LHFPL4: variants seen among roughly 807,000 people sequenced by gnomAD.
LHFPL4 encodes the protein LHFPL tetraspan subfamily member 4 protein.
Under a neutral mutation model 20.0 loss-of-function variants are expected in LHFPL4, and 6 were observed. The ratio of observed to expected loss-of-function variants is 0.30; its 90% CI spans 0.16 to 0.59. The LOEUF is 0.59. LHFPL4 is among the 20% of genes least tolerant of loss of function. The pLI is 0.88. For synonymous variants in LHFPL4, 129 were observed against 143.8 expected, an observed-to-expected ratio of 0.90 and a Z score of 0.74; for missense variants, 215 against 331.2, an observed-to-expected ratio of 0.65 and a Z score of 2.72.
Position 9,552,610 on chromosome 3 carries a change from C to G in LHFPL4, c.70G>C (p.Val24Leu), listed in dbSNP as rs1327327734. The G allele has an allele frequency of 6.2e-7, 1 of 1,613,772 alleles. No individual in the cohort carries two copies. The highest frequency in any genetic ancestry group is 1.3e-5 in the African/African-American group (1 of 74,920). ...CAGATGGTGAAGATGGCCCACAGCA[C>G]GCCGATGGCCCGCGAGTTCCGCATG... ...HYMRNSRAIG[V>L]LWAIFTICFA... The change falls in exon 2 of 4, where the codon GTG (valine) becomes CTG (leucine). Residue 24 changes from valine to leucine, a missense_variant. Coordinates refer to ENST00000287585, the MANE Select transcript of LHFPL4 (RefSeq NM_198560.3).
chr3:9,523,060 A>T (rs868823958), intron 2 of LHFPL4, among the ~76,000 whole-genome samples: 7 of 29,620 alleles, frequency 2.4e-4, no homozygotes, highest in African/African-American at 6.0e-4. Context: ...AAAAAAAAAG[A>T]AAGAAAGAAA....
At chr3:9,528,305 C>T (rs1339749208) in intron 2 of LHFPL4, among the ~76,000 whole-genome samples, 1 of 152,166 alleles carries the variant, frequency 6.6e-6, no homozygotes, top group Non-Finnish European at 1.5e-5. Flanking sequence ...CTTTTGTGGG[C>T]ATTTCAACAG....
chr3:9,511,934 GTTT>G lies in LHFPL4; in HGVS notation c.407-5734_407-5732del, dbSNP rs59301468. On this transcript the variant is annotated intron_variant, in intron 2 of 3. Transcript: ENST00000287585. ...TGGCTGCATCCTTTACATGGCGACTGTTTTTTTTTTTTTTTTTAGACGGAATCT... is the reference window on the plus strand; with the variant it reads ...TGGCTGCATCCTTTACATGGCGACTGTTTTTTTTTTTTTTAGACGGAATCT... 3.1e-3 allele frequency among the ~76,000 whole-genome samples: 446 copies of G among 142,184 alleles called. 2 individuals carry two copies. Among genetic ancestry groups the G allele is most frequent in the African/African-American group, 9.1e-3 (352 of 38,812 alleles). 93.3% of individuals were successfully genotyped at this position (142,184 alleles called of 152,430 possible).
rs113605238 is a variant in LHFPL4, at chr3:9,523,092, G to GAAAGAAAGAA, written c.407-16890_407-16889insTTCTTTCTTT. Among the ~76,000 whole-genome samples the GAAAGAAAGAA allele has an allele frequency of 1.4e-3, 185 of 133,572 alleles. 4 individuals are homozygous for GAAAGAAAGAA. The Middle Eastern group carries it at 0.027, about 20-fold the overall frequency. The allele number at this position is 133,572 out of a possible 152,430, so 87.6% of individuals were successfully genotyped here. ...GAAAGAAAAGGAAGAAAGAAAGAAA[G>GAAAGAAAGAA]AGAGAGAGAGAGAGAAAGCAAGCAA... On this transcript the variant is annotated intron_variant, in intron 2 of 3. Transcript: ENST00000287585.
At chr3:9,535,427 C>T (rs552238070) in intron 2 of LHFPL4, among the ~76,000 whole-genome samples, 50 of 152,274 alleles carry the variant, frequency 3.3e-4, no homozygotes, top group African/African-American at 1.2e-3. Flanking sequence ...TGGACCCAGA[C>T]AGCCTGCTTC....
intron 2 of LHFPL4, among the ~76,000 whole-genome samples, chr3:9,524,993 C>T (rs911240967): frequency 2.6e-5 from 4 of 152,026 alleles, no homozygotes; most frequent in African/African-American, 9.7e-5. Flanking sequence ...TAAGTTGTTG[C>T]TGTTTTTTTC....
chr3:9,509,314 TC>T (rs2125656216), intron 2 of LHFPL4, among the ~76,000 whole-genome samples: 1 of 149,208 alleles, frequency 6.7e-6, no homozygotes, highest in South Asian at 2.1e-4. Context: ...CCTCCCGCTT[TC>T]CCCTTTATTT....
intron 2 of LHFPL4, among the ~76,000 whole-genome samples, chr3:9,509,239 G>GCTC (rs1470517081): frequency 1.3e-5 from 1 of 74,828 alleles, no homozygotes; most frequent in Non-Finnish European, 2.6e-5. Flanking sequence ...ATCTTTCTTC[G>GCTC]CACCCCCCTC....
intron 2 of LHFPL4, among the ~76,000 whole-genome samples, chr3:9,522,168 T>C (rs991060767): frequency 1.3e-5 from 2 of 151,568 alleles, no homozygotes; most frequent in Non-Finnish European, 2.9e-5. Flanking sequence ...TTATTGTTAT[T>C]ATTTTTTAGT....
At chr3:9,546,462 G>C (rs2046513888) in intron 2 of LHFPL4, among the ~76,000 whole-genome samples, 1 of 152,224 alleles carries the variant, frequency 6.6e-6, no homozygotes, top group African/African-American at 2.4e-5. Context: ...TCTATTCTCT[G>C]CTGCGGTCCA....
intron 2 of LHFPL4, among the ~76,000 whole-genome samples, chr3:9,529,931 CTT>C (rs77757682): frequency 7.5e-5 from 11 of 146,842 alleles, no homozygotes; most frequent in East Asian, 2.0e-4. Flanking sequence ...GTGCCTGGCT[CTT>C]TTTTTTTTTT....
At chr3:9,531,351 A>C (rs1208741047) in intron 2 of LHFPL4, among the ~76,000 whole-genome samples, 1 of 152,230 alleles carries the variant, frequency 6.6e-6, no homozygotes, top group Non-Finnish European at 1.5e-5. Flanking sequence ...TCTGTAAAGC[A>C]CAATAAAGCA....
chr3:9,521,119 T>C (rs934220524), intron 2 of LHFPL4, among the ~76,000 whole-genome samples: 1 of 152,154 alleles, frequency 6.6e-6, no homozygotes, highest in Non-Finnish European at 1.5e-5. Flanking sequence ...AATCATTATG[T>C]CTTATCATTT....
chr3:9,523,363 A>G (rs2046352394), intron 2 of LHFPL4, among the ~76,000 whole-genome samples: 2 of 151,634 alleles, frequency 1.3e-5, no homozygotes. Context: ...CTTGGGAGAC[A>G]GAGTGAGACT....
Position 9,521,368 on chromosome 3 carries a change from G to T in LHFPL4, c.407-15165C>A, listed in dbSNP as rs551661171. 9.0e-4 allele frequency among the ~76,000 whole-genome samples: 135 copies of T among 150,712 alleles called. 2 individuals carry two copies. Among genetic ancestry groups the T allele is most frequent in the Non-Finnish European group, 8.6e-4 (58 of 67,808 alleles). On this transcript the variant is annotated intron_variant, in intron 2 of 3. Transcript: ENST00000287585. ...GCCTCCTGAGTAGCTGGAACTACTG[G>T]TGTGCACCACCATGCTTGGCTAATT... is the stretch of plus-strand genomic sequence containing the variant.
At chr3:9,514,103 G>T (rs894235221) in intron 2 of LHFPL4, among the ~76,000 whole-genome samples, 1 of 152,122 alleles carries the variant, frequency 6.6e-6, no homozygotes, top group African/African-American at 2.4e-5. Flanking sequence ...TGATTGAATA[G>T]GGTACAGTTG....
intron 2 of LHFPL4, among the ~76,000 whole-genome samples, chr3:9,530,144 C>G (rs1276279914): frequency 6.6e-6 from 1 of 152,180 alleles, no homozygotes; most frequent in African/African-American, 2.4e-5. Context: ...GCATGGGTCC[C>G]TAATGTGAGA....
chr3:9,512,898 T>A (rs985177852), intron 2 of LHFPL4, among the ~76,000 whole-genome samples: 28 of 152,210 alleles, frequency 1.8e-4, no homozygotes, highest in Admixed American at 5.9e-4. Context: ...TCTAATGACT[T>A]CAGGGGCTAG....
intron 2 of LHFPL4, among the ~76,000 whole-genome samples, chr3:9,518,338 T>C (rs943777924): frequency 1.3e-5 from 2 of 152,210 alleles, no homozygotes; most frequent in Non-Finnish European, 2.9e-5. Context: ...TGGATCTATG[T>C]TCATGAGAGA....
Sources: gnomAD v4.1 joint callset for allele counts (sites outside exome capture counted in the v4.1 genomes callset) on GRCh38, gnomAD v4.1.1 for gene constraint, MANE v1.5 for transcripts, NCBI Gene and HGNC (gene_info 2026-07-23, HGNC 2026-07-21) for gene names.